The following TM9SF4 variants were observed in gnomAD, a reference collection of about 807,000 sequenced individuals.
The protein encoded by TM9SF4 is transmembrane 9 superfamily member 4, also known as dinucleotide oxidase disulfide thiol exchanger 3 superfamily member 4.
Under a neutral mutation model 90.4 loss-of-function variants are expected in TM9SF4, and 26 were observed. The observed-to-expected ratio is 0.29, with a 90% CI of 0.21 to 0.40. TM9SF4 has a LOEUF of 0.40. Ranked by LOEUF, TM9SF4 falls within the 10% of genes least tolerant of loss-of-function variation. The pLI, the probability that TM9SF4 is intolerant of heterozygous loss-of-function variation, is 1.00. For synonymous variants in TM9SF4, 293 were observed against 315.4 expected (o/e 0.93, Z 0.75); for missense variants, 549 against 834.8 (o/e 0.66, Z 4.22).
chr20:32,109,760 G>A lies in TM9SF4; in HGVS notation c.15+5G>A. On this transcript the variant is annotated splice_donor_5th_base_variant and intron_variant, in intron 1 of 17. Transcript: ENST00000398022. ...TCCAAGATGGCGACGGCGATGGTGA[G>A]TGAAGGAGACTCCGGGAGCGGGAGC... 2 of 1,551,668 alleles carry A rather than the reference G, an allele frequency of 1.3e-6. No individual in the cohort carries two copies. The highest frequency in any genetic ancestry group is 1.7e-6 in the Non-Finnish European group (2 of 1,146,990).
In TM9SF4 at chr20:32,141,639, G is replaced by A; in HGVS notation, c.372G>A (p.Arg124=). 6.2e-7 allele frequency: 1 copy of A among 1,614,162 alleles called. No individual in the cohort carries two copies. The part of the protein sequence containing the change: ...TVEQSRLVAE[R]ITEDYYVHLI... ...AGCAGAGCCGACTCGTGGCCGAGCG[G>A]ATCACAGAAGACTACTACGTCCACC... The change falls in exon 4 of 18, where the codon CGG becomes CGA. Residue 124 remains arginine (R), a synonymous_variant. Transcript: ENST00000398022.
At chr20:32,121,793 C>T (rs1466122744) in intron 1 of TM9SF4, among the ~76,000 whole-genome samples, 2 of 151,396 alleles carry the variant, frequency 1.3e-5, no homozygotes, top group African/African-American at 4.9e-5. Flanking sequence ...GCAGAGGCGC[C>T]CCTCACCTCC....
At chr20:32,117,223 C>CAAAAAA (rs34453961) in intron 1 of TM9SF4, among the ~76,000 whole-genome samples, 1 of 68,256 alleles carries the variant, frequency 1.5e-5, no homozygotes, top group Non-Finnish European at 2.8e-5. Context: ...GACTCTGTCT[C>CAAAAAA]AAAAAAAAAA....
intron 14 of TM9SF4, 120 bp from the exon 15 acceptor site, chr20:32,158,331 C>T (rs1233578383): frequency 7.1e-6 from 7 of 986,770 alleles, no homozygotes; most frequent in South Asian, 1.4e-5. Flanking sequence ...AGAAATATGC[C>T]AGAAGAATTA....
At chr20:32,144,143 A>C (rs2046724544) in intron 6 of TM9SF4, among the ~76,000 whole-genome samples, 1 of 152,054 alleles carries the variant, frequency 6.6e-6, no homozygotes, top group South Asian at 2.1e-4. Context: ...ACGGGGTTTC[A>C]CCATGTTGGC....
rs112777980 is a variant in TM9SF4 at position 32,119,747 on chromosome 20, A to G, written c.15+9992A>G. On this transcript the variant is annotated intron_variant, in intron 1 of 17. Transcript: ENST00000398022. The stretch of plus-strand genomic sequence containing the variant: ...GTTGTATCTAAGACATTTTTGCCTA[A>G]CCCAAGATCACAATGATTTCTTATT... Among the ~76,000 whole-genome samples the G allele has an allele frequency of 2.0e-3, 305 of 152,160 alleles. 1 individual carries two copies. The highest frequency in any genetic ancestry group is 7.1e-3 in the African/African-American group (295 of 41,542).
rs748812919 is a variant in TM9SF4 at position 32,155,097 on chromosome 20, C to T, written c.1246-6C>T. ...CTGCTCCTCAACCCGGCCCCTCTTG[C>T]TCCAGACGGCAACTCTGTACCCTGG... On this transcript the variant is annotated splice_region_variant and splice_polypyrimidine_tract_variant and intron_variant, in intron 12 of 17. Transcript: ENST00000398022. 6.2e-7 allele frequency: 1 copy of T among 1,613,994 alleles called. No homozygotes were observed. The highest frequency in any genetic ancestry group is 8.5e-7 in the Non-Finnish European group (1 of 1,179,896).
chr20:32,137,072 C>G (rs1480139008), intron 3 of TM9SF4: 3 of 455,076 alleles, frequency 6.6e-6, no homozygotes, highest in African/African-American at 6.0e-5. Flanking sequence ...ACCATCTCCC[C>G]CTAATACCAA....
Position 32,145,391 on chromosome 20 carries a change from T to C in TM9SF4, c.851T>C (p.Ile284Thr). 6.2e-7 allele frequency: 1 copy of C among 1,614,182 alleles called. No homozygotes were observed. The change falls in exon 8 of 18, where the codon ATT becomes ACT. Residue 284 changes from isoleucine (I) to threonine (T), a missense_variant. By Grantham distance (89) the Ile-to-Thr change is moderately conservative. Transcript: ENST00000398022. ...GTCCAGATCCACTGGTTTTCTATCA[T>C]TAACTCCGTTGTTGTGGTCTTCTTC... ...SDVQIHWFSI[I>T]NSVVVVFFLS...
In TM9SF4 at chr20:32,150,202, C is replaced by T. The variant is rs984712426; in HGVS notation, c.1088-420C>T. Among the ~76,000 whole-genome samples the T allele has an allele frequency of 4.6e-5, 7 of 152,216 alleles. No individual in the cohort carries two copies. The East Asian group carries it at 1.2e-3, about 25-fold the overall frequency. On this transcript the variant is annotated intron_variant, in intron 10 of 17. Coordinates refer to ENST00000398022, the MANE Select transcript of TM9SF4 (RefSeq NM_014742.4). ...TACATCTCAGCCTCATGCCTCCAAG[C>T]TTTGTGACCTTGGACAGGCCACTTG...
chr20:32,150,905 T>G, intron 12 of TM9SF4, 30 bp downstream of exon 12: 1 of 1,612,004 alleles, frequency 6.2e-7, no homozygotes, highest in Non-Finnish European at 8.5e-7. Flanking sequence ...TCTTGTTTGG[T>G]GGGAAGCAGA....
chr20:32,109,890 G>T, intron 1 of TM9SF4, 135 bp downstream of exon 1: 1 of 1,496,440 alleles, frequency 6.7e-7, no homozygotes, highest in Non-Finnish European at 8.9e-7. Context: ...ACCTCTGACT[G>T]GGCTTGTCTT....
intron 3 of TM9SF4, 63 bp from the exon 4 acceptor site, chr20:32,141,434 C>A: frequency 1.3e-6 from 2 of 1,584,360 alleles, no homozygotes; most frequent in Non-Finnish European, 1.7e-6. Flanking sequence ...GTCTCTGTGA[C>A]TCTGCTGACC....
intron 12 of TM9SF4, 23 bp from the exon 13 acceptor site, chr20:32,155,080 C>CA (rs780448381): frequency 6.2e-7 from 1 of 1,611,456 alleles, no homozygotes; most frequent in African/African-American, 1.3e-5. Flanking sequence ...TGCTGCTCCT[C>CA]AACCCGGCCC....
intron 1 of TM9SF4, among the ~76,000 whole-genome samples, chr20:32,127,068 G>A (rs896107410): frequency 3.3e-5 from 5 of 152,148 alleles, no homozygotes; most frequent in African/African-American, 1.2e-4. Context: ...TTGAACATGG[G>A]CTTTGGGCTC....
At chr20:32,163,262 AAAAAAAATATATAT>A (rs1348634864) in intron 17 of TM9SF4, among the ~76,000 whole-genome samples, 2 of 71,262 alleles carry the variant, frequency 2.8e-5, no homozygotes, top group African/African-American at 1.2e-4. Context: ...AAAAAAAAAA[AAAAAAAATATATAT>A]ATATATATAT....
At chr20:32,123,864 A>ATTTTT (rs1251272520) in intron 1 of TM9SF4, among the ~76,000 whole-genome samples, 5 of 60,184 alleles carry the variant, frequency 8.3e-5, no homozygotes, top group Admixed American at 1.6e-4. Context: ...ATATATATAT[A>ATTTTT]TATTTTTTTT....
At chr20:32,155,831 C>G (rs1349614199) in intron 13 of TM9SF4, among the ~76,000 whole-genome samples, 3 of 152,302 alleles carry the variant, frequency 2.0e-5, no homozygotes, top group African/African-American at 7.2e-5. Flanking sequence ...GGTAAAGGTC[C>G]TTGCATGAGG....
chr20:32,141,451 AC>A lies in TM9SF4; in HGVS notation c.230-44del, dbSNP rs746379549. Reference sequence around the variant, plus strand: ...CTCTGTGACTCTGCTGACCTCAGCAACCTCAGGGCTGAAGCTCTGAGCTTGA... The same window carrying A: ...CTCTGTGACTCTGCTGACCTCAGCAACTCAGGGCTGAAGCTCTGAGCTTGA... On this transcript the variant is annotated intron_variant, in intron 3 of 17. Coordinates refer to ENST00000398022, the MANE Select transcript of TM9SF4 (RefSeq NM_014742.4). 1.9e-4 allele frequency: 298 copies of A among 1,603,212 alleles called. 1 individual carries two copies. Among genetic ancestry groups the A allele is most frequent in the Non-Finnish European group, 2.5e-4 (290 of 1,172,710 alleles).
Sources: allele counts gnomAD v4.1 joint callset (sites outside exome capture counted in the v4.1 genomes callset), GRCh38; gene constraint gnomAD v4.1.1; transcripts MANE v1.5; gene names NCBI Gene and HGNC (gene_info 2026-07-23, HGNC 2026-07-21).